Variants in TSPAN7 observed in about 807,000 individuals in gnomAD.
The protein encoded by TSPAN7 is tetraspanin 7.
TSPAN7 carries 1 observed loss-of-function variant against 17.6 expected under a neutral mutation model. That is an observed-to-expected ratio of 0.06 (90% CI 0.02 to 0.27). The LOEUF is 0.27. Ranked by LOEUF, TSPAN7 falls within the 10% of genes least tolerant of loss-of-function variation. The pLI is 1.00. For synonymous variants in TSPAN7, 78 were observed against 79.0 expected (o/e 0.99, Z 0.07); for missense variants, 112 against 201.7 (o/e 0.56, Z 2.69).
rs760100049 is a variant in TSPAN7, at chrX:38,597,441, A to G, written c.81+35814A>G. Among the ~76,000 whole-genome samples the G allele has an allele frequency of 1.2e-3, 135 of 111,530 alleles. 1 individual carries two copies. Among genetic ancestry groups the G allele is most frequent in the Non-Finnish European group, 1.9e-3 (100 of 52,972 alleles). On this transcript the variant is annotated intron_variant, in intron 1 of 7. Coordinates refer to ENST00000378482, the MANE Select transcript of TSPAN7 (RefSeq NM_004615.4). The stretch of plus-strand genomic sequence containing the variant: ...GGGCTGTTCAGTGTTCCTAAGCACA[A>G]GAAGCCTGCGATGTGCCTTACAGAG...
chrX:38,561,697 G>T, intron 1 of TSPAN7, 70 bp downstream of exon 1: 1 of 967,350 alleles, frequency 1.0e-6, no homozygotes, highest in Non-Finnish European at 1.4e-6. Flanking sequence ...TCTGAGAAAA[G>T]AAGTGGGGAG....
At chrX:38,666,028 C>T in intron 1 of TSPAN7, 93 bp from the exon 2 acceptor site, 9 of 874,444 alleles carry the variant, frequency 1.0e-5, no homozygotes, top group Non-Finnish European at 1.5e-5. Context: ...GTCTTATTCA[C>T]GGAAACTTGA....
intron 1 of TSPAN7, among the ~76,000 whole-genome samples, chrX:38,610,253 G>A (rs1266719834): frequency 8.9e-6 from 1 of 111,751 alleles, no homozygotes; most frequent in Non-Finnish European, 1.9e-5. Context: ...GAGGCACAGA[G>A]CAGTTATATA....
chrX:38,606,470 G>T (rs749342894), intron 1 of TSPAN7, among the ~76,000 whole-genome samples: 69 of 111,909 alleles, frequency 6.2e-4, no homozygotes, highest in African/African-American at 2.1e-3. Context: ...AGTTGACTTT[G>T]GTCTTGGTGC....
At chrX:38,588,352 A>G (rs980656479) in intron 1 of TSPAN7, among the ~76,000 whole-genome samples, 2 of 111,580 alleles carry the variant, frequency 1.8e-5, no homozygotes, top group Non-Finnish European at 3.8e-5. Flanking sequence ...GTATTTAACT[A>G]CATCTTAATA....
intron 1 of TSPAN7, among the ~76,000 whole-genome samples, chrX:38,578,869 G>A (rs766585430): frequency 2.7e-5 from 3 of 111,147 alleles, no homozygotes; most frequent in South Asian, 3.8e-4. Context: ...ACATATGTAT[G>A]GGTGTACATA....
intron 1 of TSPAN7, among the ~76,000 whole-genome samples, chrX:38,643,777 G>A (rs1342658540): frequency 1.8e-5 from 2 of 110,828 alleles, no homozygotes; most frequent in Admixed American, 9.6e-5. Context: ...CCCAGGAGGC[G>A]GAACTTGCAG....
intron 1 of TSPAN7, among the ~76,000 whole-genome samples, chrX:38,569,452 T>G (rs758223630): frequency 1.1e-5 from 1 of 94,389 alleles, no homozygotes; most frequent in African/African-American, 4.1e-5. Flanking sequence ...TATCTGAACC[T>G]ATAGTAGAAT....
intron 1 of TSPAN7, among the ~76,000 whole-genome samples, chrX:38,597,035 C>T (rs2069321955): frequency 9.0e-6 from 1 of 111,192 alleles, no homozygotes; most frequent in African/African-American, 3.3e-5. Flanking sequence ...TCTCTGTCCA[C>T]CTACGAAAGT....
chrX:38,561,560 G>A lies in TSPAN7; in HGVS notation c.14G>A (p.Arg5Lys). ...GAGCTCTGTAGTATGGCATCGAGGA[G>A]AATGGAGACCAAACCTGTGATAACC... MASRRMETKPVITCL... is the reference protein window; with the variant it reads MASRKMETKPVITCL... The change falls in exon 1 of 8, where the codon AGA becomes AAA. Residue 5 changes from arginine to lysine, a missense_variant. Arg to Lys is a conservative substitution (Grantham distance 26). Coordinates refer to ENST00000378482, the MANE Select transcript of TSPAN7 (RefSeq NM_004615.4). 1 of 1,200,684 alleles carries A rather than the reference G, an allele frequency of 8.3e-7. No homozygotes were observed. Among genetic ancestry groups the A allele is most frequent in the Non-Finnish European group, 1.1e-6 (1 of 889,389 alleles).
chrX:38,567,463 A>G lies in TSPAN7; in HGVS notation c.81+5836A>G, dbSNP rs1259963356. Among the ~76,000 whole-genome samples the G allele has an allele frequency of 2.7e-5, 3 of 112,423 alleles. No homozygotes were observed. In the Admixed American group the frequency reaches 2.8e-4, roughly 11 times the overall value. ...GGGAAAAACCTACCTTCATGATTCAATTATCTCCCACTGGGTCCCTCCCAC... is the reference window on the plus strand; with the variant it reads ...GGGAAAAACCTACCTTCATGATTCAGTTATCTCCCACTGGGTCCCTCCCAC... On this transcript the variant is annotated intron_variant, in intron 1 of 7. Coordinates refer to ENST00000378482, the MANE Select transcript of TSPAN7 (RefSeq NM_004615.4).
At chrX:38,624,121 G>T (rs2069506665) in intron 1 of TSPAN7, among the ~76,000 whole-genome samples, 1 of 110,993 alleles carries the variant, frequency 9.0e-6, no homozygotes, top group Non-Finnish European at 1.9e-5. Context: ...ATTTGTTTCA[G>T]ATCCATACAG....
intron 1 of TSPAN7, among the ~76,000 whole-genome samples, chrX:38,562,574 GGGA>G (rs1353903213): frequency 2.0e-4 from 21 of 102,981 alleles, no homozygotes; most frequent in East Asian, 7.6e-4. Context: ...GAGGAGGAGG[GGGA>G]GGAGGAGGAG....
At chrX:38,578,797 C>G (rs938391904) in intron 1 of TSPAN7, among the ~76,000 whole-genome samples, 2 of 111,379 alleles carry the variant, frequency 1.8e-5, no homozygotes, top group African/African-American at 6.5e-5. Flanking sequence ...ACTAAAAACG[C>G]TGTTCAAATG....
Position 38,634,610 on chromosome X carries a change from A to G in TSPAN7, c.82-31511A>G, listed in dbSNP as rs1324445570. ...CTGTCTCTGAGATGGGCTGAGTTTT[A>G]TAAGTGGGCTGGAGAAAACCACCAT... is the stretch of plus-strand genomic sequence containing the variant. On this transcript the variant is annotated intron_variant, in intron 1 of 7. Transcript: ENST00000378482. Among the ~76,000 whole-genome samples the G allele has an allele frequency of 3.6e-5, 4 of 111,712 alleles. No homozygotes were observed. The South Asian group carries it at 1.1e-3, about 31-fold the overall frequency.
intron 1 of TSPAN7, among the ~76,000 whole-genome samples, chrX:38,649,613 C>T (rs1366225775): frequency 9.0e-6 from 1 of 111,395 alleles, no homozygotes; most frequent in Non-Finnish European, 1.9e-5. Flanking sequence ...CTCGCTGGTA[C>T]AGGCTGCTTG....
At chrX:38,650,873 A>G (rs2069672049) in intron 1 of TSPAN7, among the ~76,000 whole-genome samples, 1 of 110,232 alleles carries the variant, frequency 9.1e-6, no homozygotes, top group Non-Finnish European at 1.9e-5. Context: ...AGACTTGACT[A>G]TTGCATCTCT....
intron 1 of TSPAN7, among the ~76,000 whole-genome samples, chrX:38,647,889 G>A (rs959982672): frequency 1.8e-5 from 2 of 111,842 alleles, no homozygotes; most frequent in South Asian, 7.5e-4. Flanking sequence ...ACCAGGTTGA[G>A]CACAAGTCAG....
chrX:38,622,639 C>T, intron 1 of TSPAN7, among the ~76,000 whole-genome samples: 1 of 112,372 alleles, frequency 8.9e-6, no homozygotes, highest in East Asian at 2.8e-4. Flanking sequence ...TGCATTAGAT[C>T]AGAATTGGGT....
Sources: allele counts gnomAD v4.1 joint callset (sites outside exome capture counted in the v4.1 genomes callset), GRCh38; gene constraint gnomAD v4.1.1; transcripts MANE v1.5; gene names NCBI Gene and HGNC (gene_info 2026-07-23, HGNC 2026-07-21).